The following KCTD1 variants were observed in gnomAD, a reference collection of about 807,000 sequenced individuals.
KCTD1 encodes potassium channel tetramerization domain containing 1.
A neutral mutation model predicts 66.0 loss-of-function variants in KCTD1; 24 were observed. That is an observed-to-expected ratio of 0.36 (90% CI 0.26 to 0.51). KCTD1 has a LOEUF of 0.51. Ranked by LOEUF, KCTD1 falls within the 20% of genes least tolerant of loss-of-function variation. The pLI is 0.95. For missense variants in KCTD1, 943 were observed against 1,205.2 expected (o/e 0.78, Z 3.22); for synonymous variants, 511 against 517.2 (o/e 0.99, Z 0.16).
At chr18:26,536,136 T>A (rs998264736) in intron 1 of KCTD1, among the ~76,000 whole-genome samples, 11 of 152,164 alleles carry the variant, frequency 7.2e-5, no homozygotes, top group African/African-American at 2.7e-4. Flanking sequence ...TAGTGATTAC[T>A]CACAGTGTGG....
At chr18:26,460,580 G>A (rs1980367413) in intron 3 of KCTD1, among the ~76,000 whole-genome samples, 1 of 152,202 alleles carries the variant, frequency 6.6e-6, no homozygotes, top group Non-Finnish European at 1.5e-5. Flanking sequence ...TGGAAGGCTA[G>A]TGTACTGCCC....
chr18:26,623,366 A>C (rs1987430583), intron 1 of KCTD1, among the ~76,000 whole-genome samples: 2 of 152,004 alleles, frequency 1.3e-5, no homozygotes, highest in Non-Finnish European at 2.9e-5. Flanking sequence ...CCCAAATCTC[A>C]TCTTGAATTG....
At chr18:26,490,428 G>C (rs1337615536) in intron 2 of KCTD1, among the ~76,000 whole-genome samples, 1 of 151,900 alleles carries the variant, frequency 6.6e-6, no homozygotes, top group Non-Finnish European at 1.5e-5. Flanking sequence ...TGTTAATCTG[G>C]TTCATTGCTC....
At chr18:26,657,092 T>A (rs1988170929) in intron 1 of KCTD1, among the ~76,000 whole-genome samples, 1 of 150,708 alleles carries the variant, frequency 6.6e-6, no homozygotes, top group Non-Finnish European at 1.5e-5. Flanking sequence ...CCGCTCCTCC[T>A]GCCCGCTCTG....
Position 26,547,301 on chromosome 18 carries a change from G to A in KCTD1, c.1236C>T (p.His412=), listed in dbSNP as rs955779284. The A allele has an allele frequency of 7.1e-6, 11 of 1,551,572 alleles. No individual in the cohort carries two copies. The African/African-American group carries it at 1.4e-4, about 19-fold the overall frequency. ...CKAFFQRPRD[H]CSEGDVTWYE... is the part of the protein sequence containing the mutation. ...ACCAGGTCACATCGCCCTCGCTGCAGTGGTCCCGGGGCCGCTGGAAGAACG... is the reference window on the plus strand; with the variant it reads ...ACCAGGTCACATCGCCCTCGCTGCAATGGTCCCGGGGCCGCTGGAAGAACG... Residue 412 remains histidine (H), a synonymous_variant, in exon 1 of 5, where the codon CAC becomes CAT. Transcript: ENST00000580059.
upstream of KCTD1, among the ~76,000 whole-genome samples, chr18:26,631,981 C>T (rs577197661): frequency 2.6e-5 from 4 of 151,938 alleles, no homozygotes; most frequent in African/African-American, 4.8e-5. Context: ...ACCCGGCAGG[C>T]GGAGCTTGAA....
intron 1 of KCTD1, among the ~76,000 whole-genome samples, chr18:26,623,511 C>T (rs931665411): frequency 6.6e-6 from 1 of 152,068 alleles, no homozygotes; most frequent in Non-Finnish European, 1.5e-5. Context: ...AAGGGAGTTT[C>T]CCCCTTTGCT....
At chr18:26,626,814 C>T (rs183654050) in intron 1 of KCTD1, among the ~76,000 whole-genome samples, 1 of 152,060 alleles carries the variant, frequency 6.6e-6, no homozygotes, top group Admixed American at 6.5e-5. Context: ...TATCCATGGG[C>T]AGATGAGGGG....
At chr18:26,485,575 T>A (rs1468965) in intron 2 of KCTD1, among the ~76,000 whole-genome samples, 1 of 152,172 alleles carries the variant, frequency 6.6e-6, no homozygotes, top group Non-Finnish European at 1.5e-5. Flanking sequence ...GGTAAATGGC[T>A]ATTTGTCTAA....
At chr18:26,544,640 A>G (rs1294365993) in intron 1 of KCTD1, 2 of 152,160 alleles carry the variant, frequency 1.3e-5, no homozygotes, top group African/African-American at 4.8e-5. Context: ...GCAATGCCAC[A>G]GGCCAGCAAC....
intron 1 of KCTD1, among the ~76,000 whole-genome samples, chr18:26,571,433 C>G (rs1161581609): frequency 1.3e-5 from 2 of 152,082 alleles, no homozygotes; most frequent in African/African-American, 4.8e-5. Flanking sequence ...GATACCCTCC[C>G]CAACAGGATA....
intron 1 of KCTD1, among the ~76,000 whole-genome samples, chr18:26,529,834 G>C (rs1445008513): frequency 6.6e-6 from 1 of 152,140 alleles, no homozygotes; most frequent in Non-Finnish European, 1.5e-5. Context: ...TCCCATAAAA[G>C]TAAAAAGTAA....
intron 1 of KCTD1, among the ~76,000 whole-genome samples, chr18:26,518,758 G>A (rs1272202966): frequency 6.6e-6 from 1 of 151,896 alleles, no homozygotes; most frequent in Non-Finnish European, 1.5e-5. Context: ...GTCCAGGCTG[G>A]TCTCAAACTC....
At chr18:26,560,952 G>A (rs1033427382) in intron 1 of KCTD1, among the ~76,000 whole-genome samples, 5 of 152,134 alleles carry the variant, frequency 3.3e-5, no homozygotes, top group African/African-American at 7.2e-5. Context: ...TATGTACAAG[G>A]GTGCTCTTGA....
chr18:26,616,283 C>T (rs924600468), intron 1 of KCTD1, among the ~76,000 whole-genome samples: 1 of 151,744 alleles, frequency 6.6e-6, no homozygotes, highest in Non-Finnish European at 1.5e-5. Context: ...AATCCCCATC[C>T]TCTCCCCTAA....
At chr18:26,484,086 AG>A (rs1225587055) in intron 2 of KCTD1, among the ~76,000 whole-genome samples, 2 of 152,260 alleles carry the variant, frequency 1.3e-5, no homozygotes, top group Non-Finnish European at 2.9e-5. Flanking sequence ...TTGTTGTTTC[AG>A]AAGTCTGCAT....
chr18:26,491,891 T>C (rs926586694), intron 2 of KCTD1, among the ~76,000 whole-genome samples: 8 of 152,108 alleles, frequency 5.3e-5, no homozygotes, highest in African/African-American at 1.9e-4. Flanking sequence ...TGGCTGAACA[T>C]GGGAAACATT....
chr18:26,530,262 T>C (rs908711167), intron 1 of KCTD1, among the ~76,000 whole-genome samples: 3 of 152,152 alleles, frequency 2.0e-5, no homozygotes, highest in Admixed American at 6.5e-5. Flanking sequence ...TGAATAAATA[T>C]ATATTGGGTG....
At chr18:26,592,035 CTAGT>C (rs1420030035) in intron 1 of KCTD1, among the ~76,000 whole-genome samples, 1 of 152,142 alleles carries the variant, frequency 6.6e-6, no homozygotes, top group Non-Finnish European at 1.5e-5. Flanking sequence ...ACTACAACTA[CTAGT>C]TACTTTGTTA....
Sources: gnomAD v4.1 joint callset for allele counts (sites outside exome capture counted in the v4.1 genomes callset) on GRCh38, gnomAD v4.1.1 for gene constraint, MANE v1.5 for transcripts, NCBI Gene and HGNC (gene_info 2026-07-23, HGNC 2026-07-21) for gene names.